The following PTPRD variants were observed in gnomAD, a reference collection of about 807,000 sequenced individuals.
The protein encoded by PTPRD is receptor-type tyrosine-protein phosphatase delta.
In PTPRD, 34 loss-of-function variants were observed where a neutral mutation model predicts 214.5. The ratio of observed to expected loss-of-function variants is 0.16; its 90% CI spans 0.12 to 0.21. The LOEUF (loss-of-function observed/expected upper bound fraction) is 0.21, where lower values mean the gene tolerates loss of function less well. Ranked by LOEUF, PTPRD falls within the 10% of genes least tolerant of loss-of-function variation. PTPRD has a pLI of 1.00. For synonymous variants in PTPRD, 1,128 were observed against 845.7 expected (o/e 1.33, Z -5.79); for missense variants, 2,545 against 2,398.7 (o/e 1.06, Z -1.27).
intron 9 of PTPRD, among the ~76,000 whole-genome samples, chr9:9,385,681 G>C (rs532279664): frequency 6.6e-6 from 1 of 152,256 alleles, no homozygotes; most frequent in South Asian, 2.1e-4. Context: ...ATCATTCTCA[G>C]TATGCTGGGT....
At chr9:9,761,904 T>C (rs912306756) in intron 6 of PTPRD, among the ~76,000 whole-genome samples, 6 of 152,214 alleles carry the variant, frequency 3.9e-5, no homozygotes, top group African/African-American at 1.4e-4. Context: ...CAAAATATAA[T>C]ATTTTAATAT....
rs111868985 is a variant in PTPRD at position 8,770,853 on chromosome 9, G to A, written c.-103-36907C>T. Among the ~76,000 whole-genome samples the A allele has an allele frequency of 1.7e-3, 258 of 152,204 alleles. 1 individual carries two copies. Among genetic ancestry groups the A allele is most frequent in the Non-Finnish European group, 2.9e-3 (194 of 68,018 alleles). ...AAGATGTAATCAGCATTCATTGAAC[G>A]GAGTAAAACTTCCCATTGCACAGTT... On this transcript the variant is annotated intron_variant, in intron 11 of 45. Transcript: ENST00000381196.
chr9:10,367,515 A>T (rs898243849), intron 2 of PTPRD, among the ~76,000 whole-genome samples: 1 of 152,172 alleles, frequency 6.6e-6, no homozygotes, highest in African/African-American at 2.4e-5. Context: ...TAATGTTGAA[A>T]GTTTCACGTC....
At chr9:9,861,868 C>T (rs1054291950) in intron 5 of PTPRD, among the ~76,000 whole-genome samples, 5 of 152,174 alleles carry the variant, frequency 3.3e-5, no homozygotes, top group Admixed American at 6.5e-5. Flanking sequence ...TACTCTCCCC[C>T]TGCATCATAT....
At chr9:9,025,795 A>G (rs2099585033) in intron 10 of PTPRD, among the ~76,000 whole-genome samples, 1 of 152,008 alleles carries the variant, frequency 6.6e-6, no homozygotes, top group East Asian at 1.9e-4. Flanking sequence ...TTAAAAAAAG[A>G]AAATAATACT....
intron 8 of PTPRD, among the ~76,000 whole-genome samples, chr9:9,423,730 C>A (rs762600528): frequency 6.6e-6 from 1 of 152,000 alleles, no homozygotes; most frequent in Non-Finnish European, 1.5e-5. Flanking sequence ...ACTGCAGTAA[C>A]TATAATTAAG....
At chr9:8,457,479 G>A (rs974162196) in intron 33 of PTPRD, among the ~76,000 whole-genome samples, 53 of 151,964 alleles carry the variant, frequency 3.5e-4, no homozygotes, top group African/African-American at 1.3e-3. Context: ...GATTATCAAT[G>A]TATTATAGGT....
intron 3 of PTPRD, among the ~76,000 whole-genome samples, chr9:10,229,560 G>A (rs1433772101): frequency 1.3e-5 from 2 of 152,036 alleles, no homozygotes; most frequent in Non-Finnish European, 2.9e-5. Flanking sequence ...TAGGGACATG[G>A]ATGAAGCTGG....
Position 9,925,851 on chromosome 9 carries a change from T to A in PTPRD, c.-368+12656A>T, listed in dbSNP as rs1390063488. Among the ~76,000 whole-genome samples the A allele has an allele frequency of 2.0e-5, 3 of 152,114 alleles. No individual in the cohort carries two copies. The South Asian group carries it at 6.2e-4, about 31-fold the overall frequency. On this transcript the variant is annotated intron_variant, in intron 5 of 45. Coordinates refer to ENST00000381196, the MANE Select transcript of PTPRD (RefSeq NM_002839.4). ...CTTTGTTTGTTTGTTTGTTTTGAGTTAGGGTCTGGCTTTATCACCCAGGCT... is the reference window on the plus strand; with the variant it reads ...CTTTGTTTGTTTGTTTGTTTTGAGTAAGGGTCTGGCTTTATCACCCAGGCT...
chr9:9,211,080 A>AGTGTGT (rs142322627), intron 9 of PTPRD, among the ~76,000 whole-genome samples: 1 of 150,684 alleles, frequency 6.6e-6, no homozygotes, highest in African/African-American at 2.4e-5. Context: ...CATGTGTGTG[A>AGTGTGT]GTGTGTGTGT....
intron 9 of PTPRD, among the ~76,000 whole-genome samples, chr9:9,252,943 A>G (rs2099976103): frequency 6.6e-6 from 1 of 152,046 alleles, no homozygotes; most frequent in Non-Finnish European, 1.5e-5. Context: ...ACAAATTTAA[A>G]CTCACTTAAG....
chr9:9,227,715 G>A (rs923180638), intron 9 of PTPRD, among the ~76,000 whole-genome samples: 2 of 152,180 alleles, frequency 1.3e-5, no homozygotes, highest in African/African-American at 2.4e-5. Flanking sequence ...CAGCCCACAT[G>A]GTAGGAAACT....
At chr9:8,475,989 C>G (rs2096756664) in intron 30 of PTPRD, among the ~76,000 whole-genome samples, 2 of 152,200 alleles carry the variant, frequency 1.3e-5, no homozygotes, top group African/African-American at 4.8e-5. Flanking sequence ...ATCCTCATTT[C>G]TCTTAGGATA....
chr9:8,383,233 A>AAT (rs58907783), intron 37 of PTPRD, among the ~76,000 whole-genome samples: 50,363 of 151,988 alleles, frequency 0.33, 11,068 homozygotes, highest in African/African-American at 0.63. Flanking sequence ...ACAAAATGTG[A>AAT]ATGTCTCCAC....
At chr9:9,060,689 G>A (rs192705479) in intron 10 of PTPRD, among the ~76,000 whole-genome samples, 4 of 152,158 alleles carry the variant, frequency 2.6e-5, no homozygotes, top group Admixed American at 2.0e-4. Flanking sequence ...CAGGATATTT[G>A]ACTAGGTATT....
intron 3 of PTPRD, among the ~76,000 whole-genome samples, chr9:10,147,283 C>T (rs986799975): frequency 1.3e-5 from 2 of 151,756 alleles, no homozygotes; most frequent in Non-Finnish European, 2.9e-5. Flanking sequence ...TATTATTATA[C>T]TTTAAGTTTT....
rs2138513075 is a variant in PTPRD, at chr9:8,518,093, G to C, written c.1298C>G (p.Thr433Ser). ...DVQARMLSST[T>S]ILVQWKEPEE... The stretch of plus-strand genomic sequence containing the variant: ...AGGTTCCTTCCACTGTACCAAAATG[G>C]TGGTCGAACTCAACATTCGTGCCTG... The change falls in exon 21 of 46, where the codon ACC (threonine) becomes AGC (serine). Residue 433 changes from threonine (T) to serine (S), a missense_variant. Transcript: ENST00000381196. 3 of 1,614,140 alleles carry C rather than the reference G, an allele frequency of 1.9e-6. No individual in the cohort carries two copies. The highest frequency in any genetic ancestry group is 2.5e-6 in the Non-Finnish European group (3 of 1,180,024).
chr9:8,375,145 T>C (rs1405281770), intron 39 of PTPRD, among the ~76,000 whole-genome samples: 1 of 151,962 alleles, frequency 6.6e-6, no homozygotes, highest in African/African-American at 2.4e-5. Context: ...CACTATACAT[T>C]TATATAGTAA....
intron 4 of PTPRD, among the ~76,000 whole-genome samples, chr9:9,939,606 C>T (rs1459797933): frequency 6.6e-6 from 1 of 152,098 alleles, no homozygotes; most frequent in Non-Finnish European, 1.5e-5. Flanking sequence ...CTTGTTGTAC[C>T]TACTTGGTAT....
Sources: gnomAD v4.1 joint callset for allele counts (sites outside exome capture counted in the v4.1 genomes callset) on GRCh38, gnomAD v4.1.1 for gene constraint, MANE v1.5 for transcripts, NCBI Gene and HGNC (gene_info 2026-07-23, HGNC 2026-07-21) for gene names.